SKI: variants seen among roughly 807,000 people sequenced by gnomAD.
SKI encodes the protein SKI proto-oncogene, also known as ski oncogene.
SKI carries 23 observed loss-of-function variants against 59.3 expected under a neutral mutation model. That is an observed-to-expected ratio of 0.39 (90% CI 0.28 to 0.55). The LOEUF (loss-of-function observed/expected upper bound fraction) is 0.55, where lower values mean the gene tolerates loss of function less well. SKI is among the 20% of genes least tolerant of loss of function. The pLI, the probability that SKI is intolerant of heterozygous loss-of-function variation, is 0.67. For synonymous variants in SKI, 673 were observed against 488.6 expected (o/e 1.38, Z -4.98); for missense variants, 1,017 against 1,038.9 (o/e 0.98, Z 0.29).
In SKI at chr1:2,302,912, CGG is replaced by C. The variant is rs1428431578; in HGVS notation, c.970-63_970-62del. ...GGCTCTGACTGCCATGTGCCAGCCA[CGG>C]GGCTGGTGGAGGGACCCTGCCCTGG... On this transcript the variant is annotated intron_variant, in intron 1 of 6. Transcript: ENST00000378536. 2.5e-6 allele frequency: 4 copies of C among 1,609,134 alleles called. No individual in the cohort carries two copies. In the East Asian group the frequency reaches 6.7e-5, roughly 27 times the overall value.
At chr1:2,246,026 C>T (rs1325742521) in intron 1 of SKI, among the ~76,000 whole-genome samples, 1 of 151,956 alleles carries the variant, frequency 6.6e-6, no homozygotes, top group South Asian at 2.1e-4. Flanking sequence ...TGACTCCTGG[C>T]CTCAAGCCGT....
At chr1:2,253,419 G>A (rs1421595884) in intron 1 of SKI, among the ~76,000 whole-genome samples, 3 of 152,214 alleles carry the variant, frequency 2.0e-5, no homozygotes, top group East Asian at 1.9e-4. Flanking sequence ...GAGTTTTGGT[G>A]TATCCCTTGG....
In SKI at chr1:2,303,772, G is replaced by A. The variant is rs1434856446; in HGVS notation, c.1212-68G>A. The stretch of plus-strand genomic sequence containing the variant: ...TGTTTAACACCTTCAGAGGGGGTGT[G>A]CGCCAGGATGTGTCTGGGTGGTGCT... On this transcript the variant is annotated intron_variant, in intron 3 of 6. Transcript: ENST00000378536. The surrounding 1 kb of genome is among the most constrained non-coding windows in gnomAD (Gnocchi z 5.6). 5 of 1,581,888 alleles carry A rather than the reference G, an allele frequency of 3.2e-6. No homozygotes were observed. Among genetic ancestry groups the A allele is most frequent in the Non-Finnish European group, 4.3e-6 (5 of 1,161,942 alleles).
intron 1 of SKI, among the ~76,000 whole-genome samples, chr1:2,231,036 C>A (rs1322316505): frequency 6.6e-6 from 1 of 152,168 alleles, no homozygotes; most frequent in Non-Finnish European, 1.5e-5. Context: ...GTGGCAGCCG[C>A]CTGCAGACCT....
chr1:2,255,111 A>G (rs1032304921), intron 1 of SKI, among the ~76,000 whole-genome samples: 2 of 152,046 alleles, frequency 1.3e-5, no homozygotes, highest in South Asian at 4.1e-4. Flanking sequence ...TAAGGAGTCC[A>G]TGGCATACCA....
At chr1:2,254,761 C>A (rs1211052558) in intron 1 of SKI, among the ~76,000 whole-genome samples, 1 of 152,094 alleles carries the variant, frequency 6.6e-6, no homozygotes, top group Non-Finnish European at 1.5e-5. Context: ...ATGCGCAGGG[C>A]ATTTGCTGGT....
intron 1 of SKI, among the ~76,000 whole-genome samples, chr1:2,260,597 A>G (rs558782266): frequency 7.4e-5 from 10 of 135,866 alleles, no homozygotes; most frequent in East Asian, 6.3e-4. Context: ...CTAGAGCACA[A>G]TCTTGTGATC....
Position 2,229,813 on chromosome 1 carries a change from C to T in SKI, c.969+78C>T, listed in dbSNP as rs991454068. ...CCTTCTGGACTACAGGCTCTGGTCT[C>T]CGAAGGCTGGGACCTGTGCTTCTGC... On this transcript the variant is annotated intron_variant, in intron 1 of 6. Coordinates refer to ENST00000378536, the MANE Select transcript of SKI (RefSeq NM_003036.4). The surrounding 1 kb of genome is among the most constrained non-coding windows in gnomAD (Gnocchi z 6.3). 1.9e-6 allele frequency: 3 copies of T among 1,546,848 alleles called. No homozygotes were observed. Among genetic ancestry groups the T allele is most frequent in the African/African-American group, 2.7e-5 (2 of 72,926 alleles).
Position 2,229,868 on chromosome 1 carries a change from T to C in SKI, c.969+133T>C. The C allele has an allele frequency of 6.8e-7, 1 of 1,474,638 alleles. No individual in the cohort carries two copies. The highest frequency in any genetic ancestry group is 2.5e-5 in the East Asian group (1 of 40,270). The allele number at this position is 1,474,638 out of a possible 1,614,324, so 91.3% of individuals were successfully genotyped here. A position where few individuals can be genotyped will look rare whatever the true frequency, so the allele number is the denominator to read the frequency against. ...CCCCATGTCTCCAGTCTTCGCTTTG[T>C]TTTAGGGAAATTCAGAGTGTTCCGA... On this transcript the variant is annotated intron_variant, in intron 1 of 6. Coordinates refer to ENST00000378536, the MANE Select transcript of SKI (RefSeq NM_003036.4). The surrounding 1 kb of genome is among the most constrained non-coding windows in gnomAD (Gnocchi z 6.3).
rs1255373722 is a variant in SKI, at chr1:2,307,524, G to A, written c.*759G>A. ...TCTGCCCACGCTCCTCCACCACGAGGCACTGACCTGCGTCGGGTGGTGACC... is the reference window on the plus strand; with the variant it reads ...TCTGCCCACGCTCCTCCACCACGAGACACTGACCTGCGTCGGGTGGTGACC... On this transcript the variant is annotated 3_prime_UTR_variant, in exon 7 of 7. Coordinates refer to ENST00000378536, the MANE Select transcript of SKI (RefSeq NM_003036.4). The A allele has an allele frequency of 6.6e-6, 1 of 152,422 alleles. No individual in the cohort carries two copies. The highest frequency in any genetic ancestry group is 1.5e-5 in the Non-Finnish European group (1 of 68,048). The allele number at this position is 152,422 out of a possible 1,614,324, so 9.4% of individuals were successfully genotyped here.
Position 2,302,984 on chromosome 1 carries a change from T to C in SKI, c.976T>C (p.Ser326Pro). ...KYKRRVPRVS[S>P]EPPASIRPKT... The stretch of plus-strand genomic sequence containing the variant: ...AACCTTTCATTGATCGCAGGTCTCC[T>C]CTGAGCCTCCGGCCTCCATAAGACC... Residue 326 changes from serine to proline, a missense_variant, in exon 2 of 7, where the codon TCT becomes CCT. Physicochemically the swap from Ser to Pro is moderately conservative, Grantham distance 74. Transcript: ENST00000378536. The C allele has an allele frequency of 1.2e-6, 2 of 1,613,522 alleles. No homozygotes were observed. Among genetic ancestry groups the C allele is most frequent in the Non-Finnish European group, 1.7e-6 (2 of 1,180,026 alleles).
intron 1 of SKI, among the ~76,000 whole-genome samples, chr1:2,295,098 G>T (rs1218006872): frequency 5.3e-5 from 8 of 152,248 alleles, no homozygotes; most frequent in Admixed American, 5.2e-4. Flanking sequence ...AAGTTGCACT[G>T]TGGGCTTTGT....
chr1:2,244,689 ATTG>A (rs1179374604), intron 1 of SKI, among the ~76,000 whole-genome samples: 1 of 152,110 alleles, frequency 6.6e-6, no homozygotes, highest in African/African-American at 2.4e-5. Flanking sequence ...TGGTGGGTTG[ATTG>A]TTTTGTTATT....
At chr1:2,299,037 A>G (rs544826425) in intron 1 of SKI, among the ~76,000 whole-genome samples, 2 of 152,130 alleles carry the variant, frequency 1.3e-5, no homozygotes, top group African/African-American at 2.4e-5. Context: ...AGCAGGCTCT[A>G]TGTGGTTGTT....
chr1:2,277,261 T>G (rs1639763124), intron 1 of SKI, among the ~76,000 whole-genome samples: 1 of 152,168 alleles, frequency 6.6e-6, no homozygotes, highest in South Asian at 2.1e-4. Flanking sequence ...GCCCAGCTAA[T>G]TTTTGTAGTT....
chr1:2,284,167 A>G (rs1282130578), intron 1 of SKI, among the ~76,000 whole-genome samples: 1 of 152,102 alleles, frequency 6.6e-6, no homozygotes, highest in Admixed American at 6.5e-5. Flanking sequence ...CAGAGGCCCC[A>G]GAGGCCGGCC....
At chr1:2,290,163 AG>A (rs1369803219) in intron 1 of SKI, among the ~76,000 whole-genome samples, 4 of 151,936 alleles carry the variant, frequency 2.6e-5, no homozygotes, top group Non-Finnish European at 4.4e-5. Flanking sequence ...TGGTCTTAAG[AG>A]ATCAGGCAGG....
In SKI at chr1:2,229,818, G is replaced by GGCT; in HGVS notation, c.969+85_969+87dup. 6.5e-7 allele frequency: 1 copy of GGCT among 1,545,210 alleles called. No individual in the cohort carries two copies. Among genetic ancestry groups the GGCT allele is most frequent in the South Asian group, 1.2e-5 (1 of 83,156 alleles). On this transcript the variant is annotated intron_variant, in intron 1 of 6. Transcript: ENST00000378536. The surrounding 1 kb of genome is among the most constrained non-coding windows in gnomAD (Gnocchi z 6.3). Reference sequence around the variant, plus strand: ...TGGACTACAGGCTCTGGTCTCCGAAGGCTGGGACCTGTGCTTCTGCCGTGC... The same window carrying GGCT: ...TGGACTACAGGCTCTGGTCTCCGAAGGCTGCTGGGACCTGTGCTTCTGCCGTGC...
Position 2,293,825 on chromosome 1 carries a change from C to T in SKI, c.970-9153C>T, listed in dbSNP as rs144429368. On this transcript the variant is annotated intron_variant, in intron 1 of 6. Coordinates refer to ENST00000378536, the MANE Select transcript of SKI (RefSeq NM_003036.4). ...TTCTTCAGCTGGCACCTTGAAACTC[C>T]GTGCCAGGTGAGCAGGCCTGTGGCT... Among the ~76,000 whole-genome samples the T allele has an allele frequency of 6.9e-4, 105 of 152,310 alleles. 1 individual carries two copies. The East Asian group carries it at 0.014, about 20-fold the overall frequency.
Sources: gnomAD v4.1 joint callset for allele counts (sites outside exome capture counted in the v4.1 genomes callset) on GRCh38, gnomAD v4.1.1 for gene constraint, Gnocchi (gnomAD v3.1) non-coding constraint, MANE v1.5 for transcripts, NCBI Gene and HGNC (gene_info 2026-07-23, HGNC 2026-07-21) for gene names.